The following RYR2 variants were observed in gnomAD, a reference collection of about 807,000 sequenced individuals.
The protein encoded by RYR2 is cardiac muscle ryanodine receptor-calcium release channel.
In RYR2, 227 loss-of-function variants were observed where a neutral mutation model predicts 601.1. That is an observed-to-expected ratio of 0.38 (90% CI 0.34 to 0.42). The LOEUF (loss-of-function observed/expected upper bound fraction) is 0.42, where lower values mean the gene tolerates loss of function less well. Among genes scored for constraint, RYR2 ranks in the 10% least tolerant of loss-of-function variants. RYR2 has a pLI of 1.00. For missense variants in RYR2, 4,646 were observed against 6,156.5 expected (o/e 0.75, Z 8.21); for synonymous variants, 2,223 against 2,175.1 (o/e 1.02, Z -0.61).
Position 237,192,877 on chromosome 1 carries a change from A to G in RYR2, c.49-77620A>G, listed in dbSNP as rs1680129758. The stretch of plus-strand genomic sequence containing the variant: ...TGATAGTATTCTAGATAATATATAT[A>G]GTTAAATTATTTGATGTTATTTAGA... On this transcript the variant is annotated intron_variant, in intron 1 of 104. Coordinates refer to ENST00000366574, the MANE Select transcript of RYR2 (RefSeq NM_001035.3). Among the ~76,000 whole-genome samples the G allele has an allele frequency of 1.3e-5, 2 of 152,188 alleles. 1 individual carries two copies. The highest frequency in any genetic ancestry group is 1.3e-4 in the Admixed American group (2 of 15,274).
chr1:237,122,447 C>A (rs564888451), intron 1 of RYR2, among the ~76,000 whole-genome samples: 1 of 152,100 alleles, frequency 6.6e-6, no homozygotes, highest in Non-Finnish European at 1.5e-5. Flanking sequence ...CTTGGGAGGT[C>A]GAGGCGGGGG....
In RYR2 at chr1:237,215,527, T is replaced by C. The variant is rs182437836; in HGVS notation, c.49-54970T>C. Reference sequence around the variant, plus strand: ...ATATTTTTTTCTCTATATTTTTGCTTCTAAGCAGGTATTTTGGTGCTATAG... The same window carrying C: ...ATATTTTTTTCTCTATATTTTTGCTCCTAAGCAGGTATTTTGGTGCTATAG... On this transcript the variant is annotated intron_variant, in intron 1 of 104. Coordinates refer to ENST00000366574, the MANE Select transcript of RYR2 (RefSeq NM_001035.3). Among the ~76,000 whole-genome samples, 10 of 152,328 alleles carry C rather than the reference T, an allele frequency of 6.6e-5. No homozygotes were observed. In the East Asian group the frequency reaches 1.9e-3, roughly 29 times the overall value.
intron 12 of RYR2, among the ~76,000 whole-genome samples, chr1:237,426,244 GA>G (rs1258617213): frequency 6.6e-6 from 1 of 152,090 alleles, no homozygotes; most frequent in Non-Finnish European, 1.5e-5. Context: ...AGAGCTCCAG[GA>G]AAGACAGTCA....
At chr1:237,797,535 G>A (rs998737911) in intron 96 of RYR2, among the ~76,000 whole-genome samples, 1 of 152,214 alleles carries the variant, frequency 6.6e-6, no homozygotes, top group African/African-American at 2.4e-5. Flanking sequence ...AAGATCATTG[G>A]CTGGGGAGTC....
chr1:237,339,748 C>A (rs1038947703), intron 3 of RYR2, among the ~76,000 whole-genome samples: 1 of 152,216 alleles, frequency 6.6e-6, no homozygotes, highest in East Asian at 1.9e-4. Context: ...GGCTAGCTTC[C>A]CTCATGATTA....
At chr1:237,296,366 T>G (rs1029489394) in intron 2 of RYR2, among the ~76,000 whole-genome samples, 2 of 152,160 alleles carry the variant, frequency 1.3e-5, no homozygotes, top group African/African-American at 4.8e-5. Context: ...TTTTACTCCA[T>G]GAAGAGGGGA....
intron 49 of RYR2, among the ~76,000 whole-genome samples, 157 bp downstream of exon 49, chr1:237,648,770 C>T (rs1682427811): frequency 6.6e-6 from 1 of 152,118 alleles, no homozygotes; most frequent in Non-Finnish European, 1.5e-5. Context: ...AGAAAATAAA[C>T]TAGGCTATGT....
chr1:237,571,181 T>C (rs1235359451), intron 29 of RYR2, among the ~76,000 whole-genome samples: 1 of 152,158 alleles, frequency 6.6e-6, no homozygotes, highest in Non-Finnish European at 1.5e-5. Context: ...CTTTTCAAAA[T>C]GGCTTTTGAA....
At chr1:237,564,379 T>C (rs2148224276) in intron 27 of RYR2, among the ~76,000 whole-genome samples, 1 of 152,250 alleles carries the variant, frequency 6.6e-6, no homozygotes, top group Non-Finnish European at 1.5e-5. Flanking sequence ...CAAGCAGTTC[T>C]CCTGCTCAGC....
At chr1:237,750,565 TATA>T (rs1390058361) in intron 80 of RYR2, among the ~76,000 whole-genome samples, 2 of 150,966 alleles carry the variant, frequency 1.3e-5, no homozygotes, top group Admixed American at 6.6e-5. Flanking sequence ...TATCATTAAA[TATA>T]GTATGTAATA....
chr1:237,503,338 C>T lies in RYR2; in HGVS notation c.2446C>T (p.Pro816Ser). Residue 816 changes from proline (P) to serine (S), a missense_variant, in exon 22 of 105, where the codon CCA (proline) becomes TCA (serine). Coordinates refer to ENST00000366574, the MANE Select transcript of RYR2 (RefSeq NM_001035.3). ...ACATGGAGAATTCAAATTTCTTCCT[C>T]CACCTGGGTATGCTCCTTGTTATGA... ...GRHGEFKFLP[P>S]PGYAPCYEAV... The T allele has an allele frequency of 6.2e-7, 1 of 1,613,810 alleles. No homozygotes were observed. Among genetic ancestry groups the T allele is most frequent in the Non-Finnish European group, 8.5e-7 (1 of 1,179,808 alleles).
At chr1:237,164,606 G>A (rs928654507) in intron 1 of RYR2, among the ~76,000 whole-genome samples, 1 of 152,166 alleles carries the variant, frequency 6.6e-6, no homozygotes, top group Admixed American at 6.5e-5. Flanking sequence ...ACCGTGGCAG[G>A]GACTGGCTGA....
At chr1:237,563,014 C>G (rs1294152537) in intron 27 of RYR2, among the ~76,000 whole-genome samples, 1 of 152,118 alleles carries the variant, frequency 6.6e-6, no homozygotes, top group Non-Finnish European at 1.5e-5. Flanking sequence ...TCCTACAAAC[C>G]CAGATTTCAC....
chr1:237,247,485 A>C (rs923844624), intron 1 of RYR2, among the ~76,000 whole-genome samples: 1 of 152,146 alleles, frequency 6.6e-6, no homozygotes, highest in Non-Finnish European at 1.5e-5. Context: ...AGTTGAGCCC[A>C]CTCAGATGTC....
intron 77 of RYR2, among the ~76,000 whole-genome samples, chr1:237,731,773 A>C (rs1376726157): frequency 2.0e-5 from 3 of 152,116 alleles, no homozygotes; most frequent in African/African-American, 7.2e-5. Flanking sequence ...TATTACATTT[A>C]TATATGTTAT....
intron 2 of RYR2, among the ~76,000 whole-genome samples, chr1:237,305,849 A>G (rs1285108756): frequency 1.4e-4 from 21 of 152,234 alleles, no homozygotes; most frequent in African/African-American, 4.8e-4. Context: ...ATAATATTGT[A>G]TTCTTCAACC....
intron 100 of RYR2, among the ~76,000 whole-genome samples, chr1:237,816,515 T>C (rs10925518): frequency 0.41 from 61,537 of 151,274 alleles, 12,604 homozygotes; most frequent in South Asian, 0.47. Context: ...ATGGTGAAAC[T>C]CCATCTCTAC....
chr1:237,568,645 T>C (rs1672342149), intron 28 of RYR2, among the ~76,000 whole-genome samples: 1 of 152,192 alleles, frequency 6.6e-6, no homozygotes, highest in Non-Finnish European at 1.5e-5. Context: ...TGTTAAAGTA[T>C]CTGTGCCATC....
chr1:237,730,158 T>C (rs1266333982), intron 76 of RYR2, 102 bp from the exon 77 acceptor site: 1 of 685,872 alleles, frequency 1.5e-6, no homozygotes, highest in Non-Finnish European at 2.6e-6. Context: ...ATTTCTATTT[T>C]ACACTTTCAG....
Sources: gnomAD v4.1 joint callset for allele counts (sites outside exome capture counted in the v4.1 genomes callset) on GRCh38, gnomAD v4.1.1 for gene constraint, MANE v1.5 for transcripts, NCBI Gene and HGNC (gene_info 2026-07-23, HGNC 2026-07-21) for gene names.